Variants in BMPR1A observed in about 807,000 individuals in gnomAD.
BMPR1A encodes the protein bone morphogenetic protein receptor type 1A.
In BMPR1A, 7 loss-of-function variants were observed where a neutral mutation model predicts 66.0. The ratio of observed to expected loss-of-function variants is 0.11; its 90% CI spans 0.06 to 0.20. The LOEUF is 0.20. Ranked by LOEUF, BMPR1A falls within the 10% of genes least tolerant of loss-of-function variation. BMPR1A has a pLI of 1.00. For missense variants in BMPR1A, 408 were observed against 669.1 expected (o/e 0.61, Z 4.31); for synonymous variants, 200 against 229.7 (o/e 0.87, Z 1.17).
chr10:86,900,177 C>T (rs763602644), intron 7 of BMPR1A, 51 bp downstream of exon 7: 3 of 1,562,156 alleles, frequency 1.9e-6, no homozygotes, highest in Non-Finnish European at 2.6e-6. Context: ...TATTAGATGT[C>T]AACCGCTGTT....
chr10:86,771,528 A>G (rs1318561914), intron 1 of BMPR1A, among the ~76,000 whole-genome samples: 6 of 152,180 alleles, frequency 3.9e-5, no homozygotes, highest in Admixed American at 1.3e-4. Context: ...TAGCTTGTCA[A>G]GGGTTGCATA....
chr10:86,896,985 A>G (rs1451077894), intron 5 of BMPR1A, among the ~76,000 whole-genome samples: 1 of 152,152 alleles, frequency 6.6e-6, no homozygotes, highest in African/African-American at 2.4e-5. Flanking sequence ...ACGCACTGCC[A>G]TGTGTGGCAC....
chr10:86,851,334 A>T (rs1174140378), intron 2 of BMPR1A, among the ~76,000 whole-genome samples: 1 of 152,158 alleles, frequency 6.6e-6, no homozygotes, highest in African/African-American at 2.4e-5. Context: ...TTATTTCTTA[A>T]ATTTATTTAT....
intron 1 of BMPR1A, among the ~76,000 whole-genome samples, chr10:86,800,961 C>T (rs1256486148): frequency 6.6e-6 from 1 of 152,124 alleles, no homozygotes; most frequent in Non-Finnish European, 1.5e-5. Context: ...TGAGAAACTT[C>T]CTAAGTGTCT....
rs1589757001 is a variant in BMPR1A at position 86,876,009 on chromosome 10, C to T, written c.-10C>T. The T allele has an allele frequency of 3.1e-6, 5 of 1,598,536 alleles. No individual in the cohort carries two copies. Among genetic ancestry groups the T allele is most frequent in the Non-Finnish European group, 4.3e-6 (5 of 1,167,638 alleles). ...AGGTGACAGTACACAGGAAACATTACAATTGAACAATGCCTCAGCTATACA... is the reference window on the plus strand; with the variant it reads ...AGGTGACAGTACACAGGAAACATTATAATTGAACAATGCCTCAGCTATACA... On this transcript the variant is annotated 5_prime_UTR_variant, in exon 3 of 13. Coordinates refer to ENST00000372037, the MANE Select transcript of BMPR1A (RefSeq NM_004329.3).
intron 2 of BMPR1A, among the ~76,000 whole-genome samples, chr10:86,853,031 A>T (rs564090797): frequency 6.6e-6 from 1 of 152,250 alleles, no homozygotes; most frequent in Non-Finnish European, 1.5e-5. Context: ...AAGAAAAAAT[A>T]TAAAGTACAA....
chr10:86,834,656 G>C (rs1351484945), intron 1 of BMPR1A, among the ~76,000 whole-genome samples: 1 of 152,112 alleles, frequency 6.6e-6, no homozygotes. Context: ...TCCCTTTCTA[G>C]TTAGGTGGTT....
At chr10:86,777,327 C>G (rs1229752480) in intron 1 of BMPR1A, among the ~76,000 whole-genome samples, 1 of 152,084 alleles carries the variant, frequency 6.6e-6, no homozygotes, top group African/African-American at 2.4e-5. Flanking sequence ...GCCTGTAATC[C>G]CAGCACTTTG....
At chr10:86,782,805 C>T (rs1207137263) in intron 1 of BMPR1A, among the ~76,000 whole-genome samples, 1 of 151,880 alleles carries the variant, frequency 6.6e-6, no homozygotes. Flanking sequence ...CTGTAGGTTG[C>T]CTTTTCACTC....
intron 1 of BMPR1A, among the ~76,000 whole-genome samples, chr10:86,767,722 CT>C (rs1365579571): frequency 6.6e-6 from 1 of 151,554 alleles, no homozygotes; most frequent in African/African-American, 2.4e-5. Context: ...TTGAGAATAG[CT>C]TTTTTTTCCT....
intron 3 of BMPR1A, chr10:86,889,538 C>A (rs1037377751): frequency 6.5e-6 from 1 of 154,494 alleles, no homozygotes; most frequent in African/African-American, 2.4e-5. Context: ...GTCTCTCCCC[C>A]TTTTGTACCT....
At chr10:86,861,924 C>A in intron 2 of BMPR1A, among the ~76,000 whole-genome samples, 1 of 152,142 alleles carries the variant, frequency 6.6e-6, no homozygotes, top group East Asian at 1.9e-4. Context: ...TTGGGAAAGT[C>A]TGGTTTGTAT....
chr10:86,897,725 G>A (rs1444964513), intron 5 of BMPR1A, among the ~76,000 whole-genome samples: 1 of 152,072 alleles, frequency 6.6e-6, no homozygotes, highest in Non-Finnish European at 1.5e-5. Flanking sequence ...TCCCACCTCA[G>A]CCTCCTGAGT....
chr10:86,789,866 T>C (rs534801826), intron 1 of BMPR1A, among the ~76,000 whole-genome samples: 8 of 147,980 alleles, frequency 5.4e-5, no homozygotes, highest in Non-Finnish European at 1.1e-4. Context: ...ATTAGAAATA[T>C]AAATCAAAGG....
chr10:86,797,568 G>A (rs1034538315), intron 1 of BMPR1A, among the ~76,000 whole-genome samples: 2 of 151,866 alleles, frequency 1.3e-5, no homozygotes, highest in Non-Finnish European at 2.9e-5. Flanking sequence ...GTTTCACCAC[G>A]TTGGCCAGCC....
At chr10:86,900,150 C>T in intron 7 of BMPR1A, 24 bp downstream of exon 7, 1 of 1,606,502 alleles carries the variant, frequency 6.2e-7, no homozygotes, top group Non-Finnish European at 8.5e-7. Flanking sequence ...TATTTTGAAG[C>T]AAAATATTTT....
At chr10:86,755,795 G>C (rs946084542), upstream of BMPR1A, 5 of 152,096 alleles carry the variant, frequency 3.3e-5, no homozygotes, top group Admixed American at 6.5e-5. Flanking sequence ...TATGCCGCTG[G>C]AATTCGCGGG....
At chr10:86,899,056 G>T (rs1843269031) in intron 5 of BMPR1A, among the ~76,000 whole-genome samples, 1 of 151,990 alleles carries the variant, frequency 6.6e-6, no homozygotes, top group African/African-American at 2.4e-5. Context: ...CTTAATTTCC[G>T]CTTACATTCT....
intron 5 of BMPR1A, 68 bp downstream of exon 5, chr10:86,892,297 A>G (rs1843163301): frequency 1.6e-6 from 2 of 1,268,630 alleles, no homozygotes; most frequent in Non-Finnish European, 2.3e-6. Flanking sequence ...GATTTCCCCC[A>G]GGAGAAACAT....
Sources: gnomAD v4.1 joint callset for allele counts (sites outside exome capture counted in the v4.1 genomes callset) on GRCh38, gnomAD v4.1.1 for gene constraint, MANE v1.5 for transcripts, NCBI Gene and HGNC (gene_info 2026-07-23, HGNC 2026-07-21) for gene names.